Variants in LDLRAD4 observed in about 807,000 individuals in gnomAD.
The protein encoded by LDLRAD4 is low density lipoprotein receptor class A domain containing 4, also known as low-density lipoprotein receptor class A domain-containing protein 4.
A neutral mutation model predicts 17.0 loss-of-function variants in LDLRAD4; 5 were observed. That is an observed-to-expected ratio of 0.29 (90% confidence interval 0.15 to 0.62). The LOEUF (loss-of-function observed/expected upper bound fraction) is 0.62. Among genes scored for constraint, LDLRAD4 ranks in the 20% least tolerant of loss-of-function variants. LDLRAD4 has a pLI of 0.84. For synonymous variants in LDLRAD4, 168 were observed against 171.8 expected, an observed-to-expected ratio of 0.98 and a Z score of 0.17; for missense variants, 340 against 424.7, an observed-to-expected ratio of 0.80 and a Z score of 1.75.
At chr18:13,251,196 C>T (rs570425013) in intron 1 of LDLRAD4, among the ~76,000 whole-genome samples, 13 of 152,258 alleles carry the variant, frequency 8.5e-5, no homozygotes, top group South Asian at 4.2e-4. Flanking sequence ...GATAAAAACT[C>T]CCAATAAACT....
rs920673073 is a variant in LDLRAD4 at position 13,383,430 on chromosome 18, C to G, written c.-382-3911C>G. ...GGTGCTGCGGGTTGTGTAGCAGGGT[C>G]TGGACTTAGACTGGGGGCCATCAAA... On this transcript the variant is annotated intron_variant, in intron 1 of 5. Transcript: ENST00000359446. 1.1e-4 allele frequency among the ~76,000 whole-genome samples: 17 copies of G among 152,228 alleles called. No homozygotes were observed. In the East Asian group the frequency reaches 2.9e-3, roughly 26 times the overall value.
intron 3 of LDLRAD4, among the ~76,000 whole-genome samples, chr18:13,609,849 G>A (rs993070488): frequency 5.3e-5 from 8 of 152,112 alleles, no homozygotes; most frequent in Non-Finnish European, 7.3e-5. Flanking sequence ...CGGCATGTTG[G>A]CGCACGCCTG....
At chr18:13,404,715 G>A (rs751230082) in intron 2 of LDLRAD4, among the ~76,000 whole-genome samples, 4 of 151,642 alleles carry the variant, frequency 2.6e-5, no homozygotes, top group Admixed American at 6.6e-5. Flanking sequence ...GGAGAATGGC[G>A]TGAACCCGGG....
intron 1 of LDLRAD4, among the ~76,000 whole-genome samples, chr18:13,335,357 T>C (rs2082056071): frequency 6.6e-6 from 1 of 152,200 alleles, no homozygotes; most frequent in African/African-American, 2.4e-5. Context: ...GATATCTTCA[T>C]ATGTATATTA....
intron 1 of LDLRAD4, among the ~76,000 whole-genome samples, chr18:13,344,827 T>G (rs2082588923): frequency 6.6e-6 from 1 of 152,242 alleles, no homozygotes; most frequent in Non-Finnish European, 1.5e-5. Context: ...CTAGGTATTT[T>G]ATTCTCTTTG....
intron 1 of LDLRAD4, among the ~76,000 whole-genome samples, chr18:13,238,332 A>G (rs2145623137): frequency 6.6e-6 from 1 of 152,334 alleles, no homozygotes; most frequent in South Asian, 2.1e-4. Flanking sequence ...GGTCCCCTTC[A>G]TGCATTGCCT....
chr18:13,454,147 T>A (rs1344394018), intron 3 of LDLRAD4, among the ~76,000 whole-genome samples: 8 of 152,252 alleles, frequency 5.3e-5, no homozygotes, highest in African/African-American at 1.9e-4. Flanking sequence ...AGACCCCTTT[T>A]TGTCTGACTG....
intron 1 of LDLRAD4, among the ~76,000 whole-genome samples, chr18:13,322,972 A>G (rs2143414389): frequency 6.6e-6 from 1 of 152,266 alleles, no homozygotes; most frequent in Middle Eastern, 3.4e-3. Flanking sequence ...CAGATGGATA[A>G]TGTAAATTTG....
intron 3 of LDLRAD4, among the ~76,000 whole-genome samples, chr18:13,562,310 T>C (rs2094550109): frequency 6.6e-6 from 1 of 152,238 alleles, no homozygotes; most frequent in African/African-American, 2.4e-5. Context: ...ACTGGCCACC[T>C]TGAGGCTTTG....
At chr18:13,528,453 C>T (rs555974255) in intron 3 of LDLRAD4, among the ~76,000 whole-genome samples, 113 of 152,304 alleles carry the variant, frequency 7.4e-4, no homozygotes, top group African/African-American at 2.7e-3. Flanking sequence ...GCTGGGATTA[C>T]AGATGTGCAC....
At chr18:13,250,110 GA>G (rs2043159729) in intron 1 of LDLRAD4, among the ~76,000 whole-genome samples, 1 of 152,194 alleles carries the variant, frequency 6.6e-6, no homozygotes, top group South Asian at 2.1e-4. Context: ...CTCTTTGTCA[GA>G]AATCAGTTGG....
intron 1 of LDLRAD4, among the ~76,000 whole-genome samples, chr18:13,235,925 A>G (rs982601871): frequency 2.0e-5 from 3 of 152,208 alleles, no homozygotes; most frequent in Non-Finnish European, 4.4e-5. Flanking sequence ...AGTGCTAAGG[A>G]TGGTTTAAAA....
In LDLRAD4 at chr18:13,556,392, CAT is replaced by C. The variant is rs551240706; in HGVS notation, c.182-64724_182-64723del. Reference sequence around the variant, plus strand: ...AGAGCCTTACCATCCAGTGAAGACACATGATTACCTGCAGTATATCTAAGTCT... The same window carrying C: ...AGAGCCTTACCATCCAGTGAAGACACGATTACCTGCAGTATATCTAAGTCT... On this transcript the variant is annotated intron_variant, in intron 3 of 5. Coordinates refer to ENST00000359446, the Ensembl canonical transcript of LDLRAD4. Among the ~76,000 whole-genome samples, 52 of 152,340 alleles carry C rather than the reference CAT, an allele frequency of 3.4e-4. No homozygotes were observed. In the South Asian group the frequency reaches 4.1e-3, roughly 12 times the overall value.
intron 2 of LDLRAD4, 56 bp from the exon 4 acceptor site, chr18:13,438,188 C>T (rs2090791474): frequency 6.4e-7 from 1 of 1,559,242 alleles, no homozygotes; most frequent in Non-Finnish European, 8.8e-7. Context: ...ACAGTCACAG[C>T]TCAAGAGCAC....
chr18:13,522,372 G>A (rs2093965928), intron 3 of LDLRAD4: 1 of 151,940 alleles, frequency 6.6e-6, no homozygotes, highest in Non-Finnish European at 1.5e-5. Flanking sequence ...TTTAATATTT[G>A]TGTAGCATTG....
At chr18:13,556,393 A>T (rs2094483953) in intron 3 of LDLRAD4, among the ~76,000 whole-genome samples, 1 of 152,138 alleles carries the variant, frequency 6.6e-6, no homozygotes, top group Admixed American at 6.5e-5. Flanking sequence ...GTGAAGACAC[A>T]TGATTACCTG....
chr18:13,387,589 G>A (rs375595176), exon 2 of LDLRAD4: 8 of 804,122 alleles, frequency 9.9e-6, no homozygotes, highest in South Asian at 1.5e-5. Flanking sequence ...GGTGGGCCGC[G>A]GATGCTCCCA....
At chr18:13,506,120 C>T (rs1188778548) in intron 3 of LDLRAD4, among the ~76,000 whole-genome samples, 1 of 152,184 alleles carries the variant, frequency 6.6e-6, no homozygotes, top group Non-Finnish European at 1.5e-5. Context: ...GTCTTTGTCC[C>T]GTTCCTTATA....
chr18:13,420,917 T>G (rs947841484), intron 2 of LDLRAD4: 2 of 152,222 alleles, frequency 1.3e-5, no homozygotes, highest in African/African-American at 4.8e-5. Context: ...TAGGGTAGCT[T>G]GGGGTGACTT....
Sources: gnomAD v4.1 joint callset for allele counts (sites outside exome capture counted in the v4.1 genomes callset) on GRCh38, gnomAD v4.1.1 for gene constraint, MANE v1.5 for transcripts, NCBI Gene and HGNC (gene_info 2026-07-23, HGNC 2026-07-21) for gene names.